SAGE1: variants seen among roughly 807,000 people sequenced by gnomAD.
The protein encoded by SAGE1 is cancer/testis antigen 14.
Under a neutral mutation model 55.4 loss-of-function variants are expected in SAGE1, and 55 were observed. The ratio of observed to expected loss-of-function variants is 0.99; its 90% CI spans 0.80 to 1.24. SAGE1 has a LOEUF of 1.24. Among genes scored for constraint, SAGE1 ranks in the 50% most tolerant of loss-of-function variants. The probability of loss-of-function intolerance (pLI) is 0.00; values close to 1 mark genes in which losing one functional copy is unlikely to be tolerated. For missense variants in SAGE1, 710 were observed against 704.4 expected, an observed-to-expected ratio of 1.01 and a Z score of -0.09; for synonymous variants, 240 against 244.3, an observed-to-expected ratio of 0.98 and a Z score of 0.17.
Position 135,907,466 on chromosome X carries a change from A to G in SAGE1, c.1018+13A>G. ...ACCAGGGATCAGTGTATGTTTGTTT[A>G]CTAGTTGTAGTGTCCTAGTTGGTTT... On this transcript the variant is annotated intron_variant, in intron 9 of 19. Coordinates refer to ENST00000370709, the MANE Select transcript of SAGE1 (RefSeq NM_001381902.1). 2 of 1,192,450 alleles carry G rather than the reference A, an allele frequency of 1.7e-6. No homozygotes were observed. Among genetic ancestry groups the G allele is most frequent in the Non-Finnish European group, 2.3e-6 (2 of 881,999 alleles).
chrX:135,906,307 T>A, intron 6 of SAGE1, 104 bp from the exon 7 acceptor site: 1 of 1,092,108 alleles, frequency 9.2e-7, no homozygotes, highest in Admixed American at 2.5e-5. Flanking sequence ...TATATCCTAC[T>A]GCTTTATGAA....
intron 1 of SAGE1, among the ~76,000 whole-genome samples, chrX:135,895,357 T>C (rs1556592809): frequency 1.8e-5 from 2 of 112,356 alleles, no homozygotes; most frequent in African/African-American, 3.2e-5. Context: ...ACCCCCACTT[T>C]GGTGATTTTA....
chrX:135,904,684 G>A, intron 4 of SAGE1, 115 bp downstream of exon 4: 1 of 504,494 alleles, frequency 2.0e-6, no homozygotes, highest in East Asian at 3.6e-5. Context: ...ATGAATTATA[G>A]AAGGTGGTTT....
At chrX:135,901,202 C>A (rs1415303282) in intron 2 of SAGE1, among the ~76,000 whole-genome samples, 2 of 106,313 alleles carry the variant, frequency 1.9e-5, no homozygotes, top group Non-Finnish European at 3.9e-5. Flanking sequence ...TTTTTTTTCT[C>A]CCCTAACAAG....
At position 135,911,272 on chromosome X, in the gene SAGE1, C is replaced by T. The variant is rs782591397; in HGVS notation, c.2086C>T (p.Pro696Ser). 8.3e-6 allele frequency: 10 copies of T among 1,209,161 alleles called. No homozygotes were observed. The highest frequency in any genetic ancestry group is 1.1e-5 in the Non-Finnish European group (10 of 893,341). The change falls in exon 17 of 20, where the codon CCA becomes TCA. Residue 696 changes from proline to serine, a missense_variant. Physicochemically the swap from Pro to Ser is moderately conservative, Grantham distance 74. Coordinates refer to ENST00000370709, the MANE Select transcript of SAGE1 (RefSeq NM_001381902.1). Reference protein sequence around the residue: ...QAPDNSLSTVPPGCINLSGAG... With the variant: ...QAPDNSLSTVSPGCINLSGAG... ...ACCTGATAACTCCTTGTCAACGGTT[C>T]CACCTGGTTGTATTAATCTGTCAGG...
Position 135,909,045 on chromosome X carries a change from A to G in SAGE1, c.1582+41A>G, listed in dbSNP as rs373993843. On this transcript the variant is annotated intron_variant, in intron 13 of 19. Coordinates refer to ENST00000370709, the MANE Select transcript of SAGE1 (RefSeq NM_001381902.1). Reference sequence around the variant, plus strand: ...AGTTGTACTGTCATACTTGGTTTACATATGCATGCATATTTTCATGAAGGG... The same window carrying G: ...AGTTGTACTGTCATACTTGGTTTACGTATGCATGCATATTTTCATGAAGGG... The G allele has an allele frequency of 4.2e-5, 46 of 1,096,717 alleles. No individual in the cohort carries two copies. The African/African-American group carries it at 7.6e-4, about 18-fold the overall frequency. The allele number at this position is 1,096,717 out of a possible 1,213,427, so 90.4% of individuals were successfully genotyped here.
chrX:135,912,926 C>A lies in SAGE1; in HGVS notation c.*29C>A. 1 of 993,265 alleles carries A rather than the reference C, an allele frequency of 1.0e-6. No homozygotes were observed. Among genetic ancestry groups the A allele is most frequent in the Non-Finnish European group, 1.4e-6 (1 of 701,958 alleles). 81.9% of individuals were successfully genotyped at this position (993,265 alleles called of 1,213,427 possible). A position where few individuals can be genotyped will look rare whatever the true frequency, so the allele number is the denominator to read the frequency against. On this transcript the variant is annotated 3_prime_UTR_variant, in exon 20 of 20. Coordinates refer to ENST00000370709, the MANE Select transcript of SAGE1 (RefSeq NM_001381902.1). ...TGTTAGTGCAAAGACCAAGGAGAAA[C>A]AAGGACATATGCTGTAGGATGGAAC...
At chrX:135,901,272 A>G (rs1236427821) in intron 2 of SAGE1, among the ~76,000 whole-genome samples, 4 of 109,735 alleles carry the variant, frequency 3.6e-5, no homozygotes, top group Non-Finnish European at 7.6e-5. Flanking sequence ...ATACCTTTGG[A>G]TGATGAAAGC....
chrX:135,910,478 A>G lies in SAGE1; in HGVS notation c.1928A>G (p.Asn643Ser), dbSNP rs781915981. 3.6e-5 allele frequency: 44 copies of G among 1,208,067 alleles called. No homozygotes were observed. The South Asian group carries it at 7.8e-4, about 21-fold the overall frequency. Residue 643 changes from asparagine (N) to serine (S), a missense_variant, in exon 16 of 20, where the codon AAC becomes AGC. Physicochemically the swap from Asn to Ser is conservative, Grantham distance 46. Coordinates refer to ENST00000370709, the MANE Select transcript of SAGE1 (RefSeq NM_001381902.1). ...KINNSQPAPG[N>S]ILSTAPPWLR... ...AATAACAGCCAACCAGCACCTGGTA[A>G]CATCTTGTCAACTGCTCCTCCATGG...
At chrX:135,912,007 T>A in intron 18 of SAGE1, 54 bp downstream of exon 18, 1 of 1,185,675 alleles carries the variant, frequency 8.4e-7, no homozygotes, top group Non-Finnish European at 1.1e-6. Context: ...TCTCATTCTA[T>A]GATTTAGAAC....
intron 16 of SAGE1, 38 bp from the exon 17 acceptor site, chrX:135,911,154 A>C: frequency 8.3e-7 from 1 of 1,199,437 alleles, no homozygotes. Context: ...GTCATTATGC[A>C]CTTACTTCAC....
chrX:135,901,094 G>A (rs1197908578), intron 2 of SAGE1, among the ~76,000 whole-genome samples: 2 of 92,921 alleles, frequency 2.2e-5, no homozygotes, highest in Non-Finnish European at 2.1e-5. Flanking sequence ...AGTGAGCCGA[G>A]ATCATGCAAT....
intron 2 of SAGE1, among the ~76,000 whole-genome samples, chrX:135,899,920 A>G (rs2088644786): frequency 9.0e-6 from 1 of 111,032 alleles, no homozygotes; most frequent in South Asian, 3.8e-4. Context: ...TTCTAGATAT[A>G]GGGTCATGTC....
At chrX:135,907,536 T>C in intron 9 of SAGE1, 83 bp downstream of exon 9, 10 of 1,025,035 alleles carry the variant, frequency 9.8e-6, no homozygotes, top group Non-Finnish European at 1.3e-5. Flanking sequence ...GTTGTTTTAT[T>C]GGATTCTCTT....
chrX:135,908,285 C>T, intron 11 of SAGE1, 56 bp downstream of exon 11: 3 of 1,100,384 alleles, frequency 2.7e-6, no homozygotes, highest in Middle Eastern at 2.5e-4. Flanking sequence ...AATGCAGTAT[C>T]ATAAATGGAA....
intron 8 of SAGE1, 120 bp from the exon 9 acceptor site, chrX:135,907,193 A>G: frequency 9.6e-7 from 1 of 1,042,838 alleles, no homozygotes; most frequent in South Asian, 2.2e-5. Context: ...TCAGATCACC[A>G]CCTGTCATGT....
intron 2 of SAGE1, among the ~76,000 whole-genome samples, chrX:135,898,792 T>G (rs1453962662): frequency 8.9e-6 from 1 of 112,357 alleles, no homozygotes; most frequent in African/African-American, 3.2e-5. Context: ...GAATATCTTC[T>G]TTTGAGACGT....
At chrX:135,896,122 G>GT (rs1370626672) in intron 1 of SAGE1, 121 bp from the exon 2 acceptor site, 4 of 485,793 alleles carry the variant, frequency 8.2e-6, no homozygotes, top group Admixed American at 2.9e-5. Context: ...CTGTGATCAT[G>GT]TACTCTCAAG....
intron 1 of SAGE1, among the ~76,000 whole-genome samples, chrX:135,894,744 G>A (rs1157338739): frequency 2.7e-5 from 3 of 109,638 alleles, no homozygotes; most frequent in African/African-American, 1.0e-4. Flanking sequence ...GATTTGTTTC[G>A]CAAAGGAAGA....
Sources: gnomAD v4.1 joint callset for allele counts (sites outside exome capture counted in the v4.1 genomes callset) on GRCh38, gnomAD v4.1.1 for gene constraint, MANE v1.5 for transcripts, NCBI Gene and HGNC (gene_info 2026-07-23, HGNC 2026-07-21) for gene names.